The following COL25A1 variants were observed in gnomAD, a reference collection of about 807,000 sequenced individuals.
COL25A1 encodes collagen alpha-1(XXV) chain.
A neutral mutation model predicts 128.4 loss-of-function variants in COL25A1; 103 were observed. That is an observed-to-expected ratio of 0.80 (90% confidence interval 0.68 to 0.94). COL25A1 has a LOEUF of 0.94. Ranked by LOEUF, COL25A1 falls within the 40% of genes least tolerant of loss-of-function variation. The pLI, the probability that COL25A1 is intolerant of heterozygous loss-of-function variation, is 0.00. For synonymous variants in COL25A1, 279 were observed against 277.2 expected (o/e 1.01, Z -0.06); for missense variants, 745 against 840.0 (o/e 0.89, Z 1.40).
chr4:108,862,376 T>C (rs896202950), intron 22 of COL25A1, 125 bp downstream of exon 22: 12 of 745,988 alleles, frequency 1.6e-5, no homozygotes, highest in Admixed American at 4.0e-5. Context: ...TTGCAATAAG[T>C]ATTGCAGTTC....
intron 3 of COL25A1, among the ~76,000 whole-genome samples, chr4:109,193,069 C>T (rs1413236854): frequency 6.6e-6 from 1 of 151,964 alleles, no homozygotes; most frequent in African/African-American, 2.4e-5. Context: ...TTATGGCAGC[C>T]CTTGCAAACT....
At chr4:108,852,306 T>C (rs760588990) in intron 25 of COL25A1, 26 bp from the exon 26 acceptor site, 1 of 1,563,856 alleles carries the variant, frequency 6.4e-7, no homozygotes. Context: ...GCACAGTTTT[T>C]AAAAGTAGTA....
intron 3 of COL25A1, among the ~76,000 whole-genome samples, chr4:109,209,101 G>A (rs1777286629): frequency 6.6e-6 from 1 of 152,126 alleles, no homozygotes; most frequent in African/African-American, 2.4e-5. Context: ...TACTGGTAAA[G>A]CAAGATGACC....
intron 5 of COL25A1, among the ~76,000 whole-genome samples, chr4:109,012,970 T>A (rs780468705): frequency 2.0e-5 from 3 of 152,242 alleles, no homozygotes; most frequent in Non-Finnish European, 2.9e-5. Flanking sequence ...TTTATGTCTA[T>A]GCAGAGGATT....
chr4:109,114,561 T>A (rs1382033085), intron 3 of COL25A1, among the ~76,000 whole-genome samples: 1 of 151,988 alleles, frequency 6.6e-6, no homozygotes, highest in Non-Finnish European at 1.5e-5. Flanking sequence ...GGGAGCTGCA[T>A]GTGAAAGTCA....
chr4:109,255,047 C>T (rs1174687661), intron 3 of COL25A1, among the ~76,000 whole-genome samples: 1 of 152,162 alleles, frequency 6.6e-6, no homozygotes, highest in Non-Finnish European at 1.5e-5. Flanking sequence ...AAAATGCTGT[C>T]TTCTATGAAG....
chr4:108,901,204 A>G (rs1297784149), intron 13 of COL25A1, 32 bp from the exon 14 acceptor site: 1 of 1,460,302 alleles, frequency 6.8e-7, no homozygotes, highest in South Asian at 1.1e-5. Flanking sequence ...CTACTAAGTA[A>G]AATAGACAAA....
intron 3 of COL25A1, among the ~76,000 whole-genome samples, chr4:109,094,952 T>C (rs1177920761): frequency 1.3e-5 from 2 of 152,210 alleles, no homozygotes; most frequent in African/African-American, 2.4e-5. Flanking sequence ...GAATAATTGG[T>C]CTACATTTCT....
chr4:109,273,772 T>C (rs1782354856), intron 3 of COL25A1, among the ~76,000 whole-genome samples: 2 of 152,274 alleles, frequency 1.3e-5, no homozygotes, highest in African/African-American at 4.8e-5. Context: ...GCAAAGAGCC[T>C]TACCCCTGAG....
intron 3 of COL25A1, among the ~76,000 whole-genome samples, chr4:109,256,908 C>T (rs2126251049): frequency 6.6e-6 from 1 of 152,312 alleles, no homozygotes; most frequent in Non-Finnish European, 1.5e-5. Context: ...AAAGTCTTCT[C>T]TGGGTCACTT....
chr4:109,281,081 A>G (rs1397036538), intron 3 of COL25A1, among the ~76,000 whole-genome samples: 1 of 152,226 alleles, frequency 6.6e-6, no homozygotes, highest in Non-Finnish European at 1.5e-5. Flanking sequence ...TAAATAGGAA[A>G]AGAAGTTAAT....
intron 3 of COL25A1, among the ~76,000 whole-genome samples, chr4:109,237,588 TG>T (rs77476225): frequency 0.17 from 26,061 of 151,452 alleles, 2,514 homozygotes; most frequent in East Asian, 0.3. Context: ...ATGCACAGAA[TG>T]TATACTGGTA....
Position 109,302,189 on chromosome 4 carries a change from A to G in COL25A1, c.-77T>C. 2.4e-6 allele frequency: 2 copies of G among 830,130 alleles called. No individual in the cohort carries two copies. Among genetic ancestry groups the G allele is most frequent in the Non-Finnish European group, 1.8e-6 (1 of 553,280 alleles). The allele number at this position is 830,130 out of a possible 1,614,324, so 51.4% of individuals were successfully genotyped here. On this transcript the variant is annotated 5_prime_UTR_variant, in exon 1 of 38. Coordinates refer to ENST00000399132, the MANE Select transcript of COL25A1 (RefSeq NM_198721.4). ...CGGACCCCTGCCTTGCTCAGCGTCC[A>G]GACCCGCAGGCGTGCACCATCCCCG... is the stretch of plus-strand genomic sequence containing the variant.
At chr4:109,080,934 T>C (rs1180892875) in intron 3 of COL25A1, among the ~76,000 whole-genome samples, 1 of 152,224 alleles carries the variant, frequency 6.6e-6, no homozygotes. Flanking sequence ...AATATACTTA[T>C]CTAATTTGAT....
chr4:108,864,927 G>A lies in COL25A1; in HGVS notation c.1084-1540C>T, dbSNP rs530684968. Among the ~76,000 whole-genome samples the A allele has an allele frequency of 2.0e-5, 3 of 152,196 alleles. No individual in the cohort carries two copies. In the East Asian group the frequency reaches 5.8e-4, roughly 29 times the overall value. ...TCAAAGTGACAAAGCTTTTAAAGTG[G>A]GTAAAACTGATGGTACTCGATCTTC... On this transcript the variant is annotated intron_variant, in intron 20 of 37. Transcript: ENST00000399132.
chr4:109,138,351 G>A (rs571460555), intron 3 of COL25A1, among the ~76,000 whole-genome samples: 19 of 152,238 alleles, frequency 1.2e-4, no homozygotes, highest in East Asian at 5.8e-4. Context: ...ATTCCATGGC[G>A]TATATGTGCC....
At chr4:108,979,529 A>G (rs1368976331) in intron 6 of COL25A1, among the ~76,000 whole-genome samples, 1 of 152,206 alleles carries the variant, frequency 6.6e-6, no homozygotes. Context: ...AAAAGATGAC[A>G]ATCATGAAAA....
chr4:108,927,939 G>A lies in COL25A1; in HGVS notation c.709-7335C>T, dbSNP rs1746262267. Among the ~76,000 whole-genome samples, 3 of 152,212 alleles carry A rather than the reference G, an allele frequency of 2.0e-5. No individual in the cohort carries two copies. In the South Asian group the frequency reaches 6.2e-4, roughly 32 times the overall value. ...GTATATAAAAATCTATTTTTGATCA[G>A]ATTCCAAAACAGAGACTCTATATTA... On this transcript the variant is annotated intron_variant, in intron 11 of 37. Coordinates refer to ENST00000399132, the MANE Select transcript of COL25A1 (RefSeq NM_198721.4).
intron 5 of COL25A1, among the ~76,000 whole-genome samples, chr4:109,043,155 C>T (rs974890046): frequency 5.3e-5 from 8 of 151,912 alleles, no homozygotes; most frequent in East Asian, 1.9e-4. Flanking sequence ...CTCTAGGTCA[C>T]GGGGTGGTCT....
Sources: allele counts gnomAD v4.1 joint callset (sites outside exome capture counted in the v4.1 genomes callset), GRCh38; gene constraint gnomAD v4.1.1; transcripts MANE v1.5; gene names NCBI Gene and HGNC (gene_info 2026-07-23, HGNC 2026-07-21).